Variants in ZC3H12B observed in about 807,000 individuals in gnomAD.
ZC3H12B encodes probable ribonuclease ZC3H12B.
In ZC3H12B, 7 loss-of-function variants were observed where a neutral mutation model predicts 43.9. The ratio of observed to expected loss-of-function variants is 0.16; its 90% CI spans 0.09 to 0.30. ZC3H12B has a LOEUF of 0.30. Among genes scored for constraint, ZC3H12B ranks in the 10% least tolerant of loss-of-function variants. ZC3H12B has a pLI of 1.00. For synonymous variants in ZC3H12B, 222 were observed against 241.7 expected (o/e 0.92, Z 0.76); for missense variants, 475 against 670.2 (o/e 0.71, Z 3.22).
At chrX:65,454,025 G>A (rs1039671904) in intron 3 of ZC3H12B, among the ~76,000 whole-genome samples, 7 of 111,936 alleles carry the variant, frequency 6.3e-5, no homozygotes, top group Non-Finnish European at 1.3e-4. Flanking sequence ...CAAGATGGCC[G>A]AATAGGAACA....
chrX:65,330,992 G>T, the ZC3H12B span: 1 of 328,346 alleles, frequency 3.0e-6, no homozygotes, highest in South Asian at 3.3e-5. Context: ...TCTGCATATT[G>T]TTCCTGAATG....
the ZC3H12B span, among the ~76,000 whole-genome samples, chrX:65,203,971 C>G: frequency 8.9e-6 from 1 of 111,922 alleles, no homozygotes; most frequent in Non-Finnish European, 1.9e-5. Context: ...TCCGTGTGTT[C>G]TAGCTTTGTT....
the ZC3H12B span, among the ~76,000 whole-genome samples, chrX:65,134,385 A>T: frequency 1.8e-5 from 2 of 111,571 alleles, no homozygotes; most frequent in African/African-American, 6.5e-5. Context: ...CCAACAGAAC[A>T]CTGTCTTCCC....
the ZC3H12B span, among the ~76,000 whole-genome samples, chrX:65,198,067 G>A: frequency 1.4e-3 from 158 of 111,720 alleles, 1 homozygote; most frequent in African/African-American, 5.0e-3. Flanking sequence ...TGATTAAGCC[G>A]ACCTTCAGGT....
chrX:65,227,691 T>C, the ZC3H12B span, among the ~76,000 whole-genome samples: 1 of 110,472 alleles, frequency 9.1e-6, no homozygotes, highest in Non-Finnish European at 1.9e-5. Context: ...TAAAAAATGA[T>C]AAAGGGGATA....
At chrX:65,161,251 G>T in the ZC3H12B span, among the ~76,000 whole-genome samples, 1 of 111,482 alleles carries the variant, frequency 9.0e-6, no homozygotes, top group Non-Finnish European at 1.9e-5. Flanking sequence ...GATTTGGGGT[G>T]GAGAGTTCTG....
At chrX:65,451,577 T>A (rs1569413737) in intron 3 of ZC3H12B, among the ~76,000 whole-genome samples, 1 of 111,712 alleles carries the variant, frequency 9.0e-6, no homozygotes, top group Non-Finnish European at 1.9e-5. Flanking sequence ...CAGCCTTAAG[T>A]AATCCTTCTG....
chrX:65,163,097 T>C, the ZC3H12B span, among the ~76,000 whole-genome samples: 26,499 of 110,302 alleles, frequency 0.24, 7,713 homozygotes, highest in African/African-American at 0.83. Context: ...TTGTGAACCG[T>C]GAATGCTGCT....
At chrX:65,367,274 G>T (rs2066185783) in intron 1 of ZC3H12B, among the ~76,000 whole-genome samples, 1 of 111,750 alleles carries the variant, frequency 8.9e-6, no homozygotes, top group South Asian at 3.7e-4. Context: ...GTGGCAACAA[G>T]GAGCTGCAAA....
chrX:65,445,604 G>A (rs780770215), intron 3 of ZC3H12B, among the ~76,000 whole-genome samples: 1 of 112,670 alleles, frequency 8.9e-6, no homozygotes, highest in Non-Finnish European at 1.9e-5. Context: ...CAGACCTGAA[G>A]TCAGCAAAGT....
At chrX:65,171,621 C>T in the ZC3H12B span, among the ~76,000 whole-genome samples, 79 of 111,716 alleles carry the variant, frequency 7.1e-4, no homozygotes, top group African/African-American at 2.6e-3. Flanking sequence ...TTTTGTTCAG[C>T]TATGCTGTGC....
At chrX:65,355,073 C>G in the ZC3H12B span, among the ~76,000 whole-genome samples, 1 of 111,754 alleles carries the variant, frequency 8.9e-6, no homozygotes, top group African/African-American at 3.3e-5. Flanking sequence ...CCCAACCTAG[C>G]AAGACAGGCC....
At chrX:65,333,163 A>G in the ZC3H12B span, among the ~76,000 whole-genome samples, 6 of 111,378 alleles carry the variant, frequency 5.4e-5, no homozygotes, top group Non-Finnish European at 1.1e-4. Flanking sequence ...GTAAGGAACT[A>G]TGCACAGGTA....
At chrX:65,227,795 A>C in the ZC3H12B span, among the ~76,000 whole-genome samples, 25 of 111,473 alleles carry the variant, frequency 2.2e-4, no homozygotes, top group African/African-American at 3.6e-4. Flanking sequence ...GAAATGGATA[A>C]ATTCCTCGAC....
At chrX:65,326,488 G>T in the ZC3H12B span, among the ~76,000 whole-genome samples, 2 of 110,389 alleles carry the variant, frequency 1.8e-5, no homozygotes, top group East Asian at 2.8e-4. Flanking sequence ...CAGATAAGGG[G>T]TGACCACAGG....
chrX:65,048,037 G>A, the ZC3H12B span, among the ~76,000 whole-genome samples: 1 of 110,896 alleles, frequency 9.0e-6, no homozygotes. Context: ...TTTGTATCTT[G>A]CATGATTAAA....
the ZC3H12B span, among the ~76,000 whole-genome samples, chrX:65,224,631 G>A: frequency 8.9e-6 from 1 of 112,088 alleles, no homozygotes; most frequent in South Asian, 3.6e-4. Context: ...CAAAGAAAGG[G>A]GTGACAGATG....
At chrX:65,195,834 G>T in the ZC3H12B span, among the ~76,000 whole-genome samples, 1 of 112,376 alleles carries the variant, frequency 8.9e-6, no homozygotes, top group African/African-American at 3.2e-5. Context: ...CCTACTCAGG[G>T]AGTTGGCAGA....
At chrX:65,286,723 G>T in the ZC3H12B span, among the ~76,000 whole-genome samples, 2 of 109,156 alleles carry the variant, frequency 1.8e-5, no homozygotes, top group Admixed American at 2.0e-4. Flanking sequence ...ATATACATAG[G>T]TGTATATATG....
Sources: allele counts gnomAD v4.1 joint callset (sites outside exome capture counted in the v4.1 genomes callset), GRCh38; gene constraint gnomAD v4.1.1; transcripts MANE v1.5; gene names NCBI Gene and HGNC (gene_info 2026-07-23, HGNC 2026-07-21).